The following CFAP299 variants were observed in gnomAD, a reference collection of about 807,000 sequenced individuals.
CFAP299 encodes cilia- and flagella-associated protein 299.
In CFAP299, 21 loss-of-function variants were observed where a neutral mutation model predicts 27.0. That is an observed-to-expected ratio of 0.78 (90% confidence interval 0.55 to 1.12). The LOEUF is 1.12. Ranked by LOEUF, CFAP299 falls within the 50% of genes most tolerant of loss-of-function variation. The probability of loss-of-function intolerance (pLI) is 0.00; values close to 1 mark genes in which losing one functional copy is unlikely to be tolerated. For missense variants in CFAP299, 310 were observed against 276.6 expected, an observed-to-expected ratio of 1.12 and a Z score of -0.86; for synonymous variants, 104 against 98.1, an observed-to-expected ratio of 1.06 and a Z score of -0.36.
intron 3 of CFAP299, among the ~76,000 whole-genome samples, chr4:80,749,750 T>C (rs2110070045): frequency 6.6e-6 from 1 of 152,322 alleles, no homozygotes; most frequent in Non-Finnish European, 1.5e-5. Context: ...ACTCTCTCCA[T>C]CTTCTTCTGC....
chr4:80,720,063 G>A (rs2110044789), intron 3 of CFAP299, among the ~76,000 whole-genome samples: 1 of 152,266 alleles, frequency 6.6e-6, no homozygotes, highest in South Asian at 2.1e-4. Context: ...AAACCAGGGA[G>A]AGCACTGAAG....
At chr4:80,483,600 T>C (rs985698070) in intron 2 of CFAP299, among the ~76,000 whole-genome samples, 3 of 152,136 alleles carry the variant, frequency 2.0e-5, no homozygotes, top group African/African-American at 7.2e-5. Flanking sequence ...CTATTTTTTT[T>C]AATCTGAATG....
intron 5 of CFAP299, among the ~76,000 whole-genome samples, chr4:80,947,858 T>C: frequency 6.6e-6 from 1 of 152,118 alleles, no homozygotes; most frequent in East Asian, 1.9e-4. Flanking sequence ...CAACATAAAA[T>C]TTCTTATAGA....
chr4:80,393,789 T>A (rs1725625049), intron 2 of CFAP299, among the ~76,000 whole-genome samples: 1 of 152,142 alleles, frequency 6.6e-6, no homozygotes, highest in South Asian at 2.1e-4. Flanking sequence ...TATTAAGTAA[T>A]GCATGACTGT....
At chr4:80,943,134 T>C (rs78461017) in intron 4 of CFAP299, among the ~76,000 whole-genome samples, 7,424 of 152,292 alleles carry the variant, frequency 0.049, 553 homozygotes, top group African/African-American at 0.16. Context: ...ATTCCTGTTT[T>C]CTTAGGGAGA....
intron 2 of CFAP299, chr4:80,388,718 T>C: frequency 5.8e-6 from 4 of 686,478 alleles, no homozygotes; most frequent in Non-Finnish European, 1.0e-5. Context: ...CTGCACCATC[T>C]TGGAGCCCCT....
chr4:80,596,767 CAAT>C (rs1737082189), intron 3 of CFAP299, among the ~76,000 whole-genome samples: 1 of 152,072 alleles, frequency 6.6e-6, no homozygotes, highest in African/African-American at 2.4e-5. Context: ...CTCCTATTCT[CAAT>C]GATAATCCTT....
chr4:80,785,123 A>G (rs769607467), intron 3 of CFAP299, among the ~76,000 whole-genome samples: 9 of 147,984 alleles, frequency 6.1e-5, no homozygotes, highest in Non-Finnish European at 1.3e-4. Context: ...GTCAATGTCA[A>G]GGAGCTCTTC....
chr4:80,859,056 T>C (rs1392674388), intron 3 of CFAP299, among the ~76,000 whole-genome samples: 1 of 152,234 alleles, frequency 6.6e-6, no homozygotes, highest in Non-Finnish European at 1.5e-5. Flanking sequence ...AGTCTCTTTG[T>C]AGGTCACTCA....
At chr4:80,851,833 T>C (rs1278796413) in intron 3 of CFAP299, among the ~76,000 whole-genome samples, 1 of 152,140 alleles carries the variant, frequency 6.6e-6, no homozygotes, top group Non-Finnish European at 1.5e-5. Flanking sequence ...TGGCACATTG[T>C]TATGTTGGTT....
intron 3 of CFAP299, among the ~76,000 whole-genome samples, chr4:80,610,166 C>G (rs1737892341): frequency 6.6e-6 from 1 of 151,526 alleles, no homozygotes; most frequent in East Asian, 1.9e-4. Context: ...TCTTTCTGAT[C>G]ACTTTAATAA....
At chr4:80,579,515 GC>G (rs1736060347) in intron 2 of CFAP299, among the ~76,000 whole-genome samples, 1 of 152,092 alleles carries the variant, frequency 6.6e-6, no homozygotes, top group Non-Finnish European at 1.5e-5. Flanking sequence ...TTCTTGTCCA[GC>G]CCAGATATCT....
chr4:80,883,821 G>C (rs997402604), intron 4 of CFAP299, among the ~76,000 whole-genome samples: 2 of 151,970 alleles, frequency 1.3e-5, no homozygotes, highest in Admixed American at 6.6e-5. Flanking sequence ...AATAATAATA[G>C]AGGACTTCAA....
intron 4 of CFAP299, among the ~76,000 whole-genome samples, chr4:80,934,481 G>C (rs1476032738): frequency 1.3e-5 from 2 of 151,386 alleles, no homozygotes; most frequent in Non-Finnish European, 3.0e-5. Flanking sequence ...AAAAGGATTG[G>C]TATTAATTTT....
chr4:80,422,569 C>G (rs1395489435), intron 2 of CFAP299, among the ~76,000 whole-genome samples: 2 of 152,068 alleles, frequency 1.3e-5, no homozygotes, highest in East Asian at 3.9e-4. Flanking sequence ...TTTTATTATT[C>G]ATTCTATCAG....
chr4:80,799,546 TATATA>T (rs1415230820), intron 3 of CFAP299, among the ~76,000 whole-genome samples: 15 of 76,990 alleles, frequency 1.9e-4, no homozygotes, highest in Non-Finnish European at 3.1e-4. Context: ...TTAATACATA[TATATA>T]ATATATTTAA....
At chr4:80,586,921 A>T (rs1736477073) in intron 3 of CFAP299, among the ~76,000 whole-genome samples, 1 of 151,050 alleles carries the variant, frequency 6.6e-6, no homozygotes, top group Non-Finnish European at 1.5e-5. Flanking sequence ...GCTAGTAAAA[A>T]AACATTGCCT....
At chr4:80,778,176 A>G (rs541394638) in intron 3 of CFAP299, among the ~76,000 whole-genome samples, 1 of 152,152 alleles carries the variant, frequency 6.6e-6, no homozygotes, top group South Asian at 2.1e-4. Flanking sequence ...GATTTTTTTT[A>G]AAGTATCTTC....
At chr4:80,878,464 T>C (rs1733531107) in intron 4 of CFAP299, among the ~76,000 whole-genome samples, 1 of 152,140 alleles carries the variant, frequency 6.6e-6, no homozygotes, top group African/African-American at 2.4e-5. Context: ...AATGTCAAGT[T>C]GTCTCATTAT....
Sources: gnomAD v4.1 joint callset for allele counts (sites outside exome capture counted in the v4.1 genomes callset) on GRCh38, gnomAD v4.1.1 for gene constraint, MANE v1.5 for transcripts, NCBI Gene and HGNC (gene_info 2026-07-23, HGNC 2026-07-21) for gene names.